HECW1: variants seen among roughly 807,000 people sequenced by gnomAD.
The protein encoded by HECW1 is E3 ubiquitin-protein ligase HECW1.
A neutral mutation model predicts 182.3 loss-of-function variants in HECW1; 61 were observed. The ratio of observed to expected loss-of-function variants is 0.33; its 90% confidence interval spans 0.27 to 0.41. The LOEUF (loss-of-function observed/expected upper bound fraction) is 0.41. Ranked by LOEUF, HECW1 falls within the 10% of genes least tolerant of loss-of-function variation. HECW1 has a pLI of 1.00. For missense variants in HECW1, 1,739 were observed against 2,108.9 expected (o/e 0.82, Z 3.44); for synonymous variants, 859 against 832.6 (o/e 1.03, Z -0.55).
At chr7:43,513,899 T>C (rs1243672459) in intron 24 of HECW1, among the ~76,000 whole-genome samples, 1 of 152,158 alleles carries the variant, frequency 6.6e-6, no homozygotes, top group Non-Finnish European at 1.5e-5. Context: ...CTGGAGCCTA[T>C]AAGGGACCAC....
intron 2 of HECW1, among the ~76,000 whole-genome samples, chr7:43,223,202 CA>C (rs1797134600): frequency 6.6e-6 from 1 of 152,150 alleles, no homozygotes; most frequent in Admixed American, 6.5e-5. Context: ...AATCCAACAA[CA>C]GCTTCTCACC....
At chr7:43,139,862 A>G (rs1037817659) in intron 2 of HECW1, among the ~76,000 whole-genome samples, 8 of 152,130 alleles carry the variant, frequency 5.3e-5, no homozygotes, top group Admixed American at 1.3e-4. Context: ...CTTCCCAACC[A>G]TTACTGTCTG....
At position 43,133,024 on chromosome 7, in the gene HECW1, C is replaced by T. The variant is rs1262975577; in HGVS notation, c.-32+18633C>T. On this transcript the variant is annotated intron_variant, in intron 2 of 29. Coordinates refer to ENST00000395891, the MANE Select transcript of HECW1 (RefSeq NM_015052.5). ...TTTCTAGTTTTGTTGGTGTTTTAAT[C>T]ATGTCTAAACATTGAATTTGGGGGA... 3.3e-5 allele frequency among the ~76,000 whole-genome samples: 5 copies of T among 152,144 alleles called. No homozygotes were observed. The East Asian group carries it at 9.7e-4, about 29-fold the overall frequency.
intron 3 of HECW1, among the ~76,000 whole-genome samples, chr7:43,289,403 C>G (rs1391644608): frequency 6.6e-6 from 1 of 152,240 alleles, no homozygotes; most frequent in Non-Finnish European, 1.5e-5. Flanking sequence ...CCACGCCCAG[C>G]CTCCAGCACT....
intron 3 of HECW1, among the ~76,000 whole-genome samples, chr7:43,265,100 T>C (rs1801630004): frequency 6.6e-6 from 1 of 152,134 alleles, no homozygotes; most frequent in African/African-American, 2.4e-5. Flanking sequence ...CAAACAACCC[T>C]CATATTTTAG....
chr7:43,463,867 C>A, intron 14 of HECW1, 68 bp downstream of exon 14: 1 of 1,552,602 alleles, frequency 6.4e-7, no homozygotes, highest in Non-Finnish European at 8.8e-7. Flanking sequence ...GGCTACAAGC[C>A]TCCCACCCTG....
chr7:43,467,841 G>A (rs1413200904), intron 15 of HECW1, among the ~76,000 whole-genome samples: 2 of 152,174 alleles, frequency 1.3e-5, no homozygotes, highest in African/African-American at 2.4e-5. Flanking sequence ...TAAGCTGGAG[G>A]TGGAGTTTGA....
At chr7:43,134,201 C>T (rs918672010) in intron 2 of HECW1, among the ~76,000 whole-genome samples, 1 of 151,738 alleles carries the variant, frequency 6.6e-6, no homozygotes, top group Non-Finnish European at 1.5e-5. Context: ...CCAGACCAGC[C>T]TGGCCAACAT....
chr7:43,121,471 A>T (rs767851563), intron 2 of HECW1, among the ~76,000 whole-genome samples: 1 of 152,120 alleles, frequency 6.6e-6, no homozygotes, highest in Non-Finnish European at 1.5e-5. Context: ...AGCCAAGCAA[A>T]TCATTTTCCC....
intron 20 of HECW1, 108 bp from the exon 21 acceptor site, chr7:43,501,105 C>G: frequency 1.6e-6 from 1 of 636,906 alleles, no homozygotes; most frequent in Non-Finnish European, 2.7e-6. Context: ...GCTTTTGTTG[C>G]TTTGTGAGAA....
At chr7:43,307,964 GTA>G (rs1453326578) in intron 3 of HECW1, among the ~76,000 whole-genome samples, 30 of 123,876 alleles carry the variant, frequency 2.4e-4, no homozygotes, top group African/African-American at 9.0e-4. Flanking sequence ...TATATATACT[GTA>G]TATCTTATAT....
chr7:43,387,044 A>G (rs1048957927), intron 6 of HECW1, among the ~76,000 whole-genome samples: 6 of 152,164 alleles, frequency 3.9e-5, no homozygotes, highest in African/African-American at 1.2e-4. Flanking sequence ...AACATGATCC[A>G]GCCATTTAGA....
Position 43,301,799 on chromosome 7 carries a change from C to T in HECW1, c.28-9964C>T, listed in dbSNP as rs577292324. Reference sequence around the variant, plus strand: ...CTGAAGCAGGAGAATCTCTTGAACCCGGGAGGCAGAGGTTACAGTGAGCTG... The same window carrying T: ...CTGAAGCAGGAGAATCTCTTGAACCTGGGAGGCAGAGGTTACAGTGAGCTG... On this transcript the variant is annotated intron_variant, in intron 3 of 29. Coordinates refer to ENST00000395891, the MANE Select transcript of HECW1 (RefSeq NM_015052.5). Among the ~76,000 whole-genome samples the T allele has an allele frequency of 7.3e-5, 11 of 151,258 alleles. No homozygotes were observed. In the East Asian group the frequency reaches 1.8e-3, roughly 24 times the overall value.
intron 13 of HECW1, among the ~76,000 whole-genome samples, chr7:43,461,141 G>T (rs970321069): frequency 1.3e-5 from 2 of 152,206 alleles, no homozygotes; most frequent in Non-Finnish European, 2.9e-5. Flanking sequence ...ATTTCTCATG[G>T]TTCTGGTTTG....
chr7:43,332,598 G>T (rs75660937), intron 5 of HECW1, among the ~76,000 whole-genome samples: 4,789 of 152,276 alleles, frequency 0.031, 248 homozygotes, highest in African/African-American at 0.11. Flanking sequence ...GATCACCACG[G>T]TGTCCAATTA....
At chr7:43,190,040 C>G (rs1384389036) in intron 2 of HECW1, among the ~76,000 whole-genome samples, 1 of 152,166 alleles carries the variant, frequency 6.6e-6, no homozygotes, top group Non-Finnish European at 1.5e-5. Context: ...ATGCTCTTTA[C>G]TTCTGACATT....
chr7:43,533,515 C>A (rs1014447529), intron 24 of HECW1, among the ~76,000 whole-genome samples: 1 of 152,134 alleles, frequency 6.6e-6, no homozygotes, highest in African/African-American at 2.4e-5. Context: ...GCAGTTATAG[C>A]AACCCTCTGG....
chr7:43,425,271 A>T (rs1426665699), intron 8 of HECW1, among the ~76,000 whole-genome samples: 4 of 148,614 alleles, frequency 2.7e-5, no homozygotes, highest in South Asian at 2.2e-4. Context: ...GCAGATGTAC[A>T]CATGTGGATA....
At chr7:43,137,047 T>A (rs2152627939) in intron 2 of HECW1, among the ~76,000 whole-genome samples, 1 of 152,312 alleles carries the variant, frequency 6.6e-6, no homozygotes, top group South Asian at 2.1e-4. Context: ...GTCAACCTGT[T>A]AGAGTTAAGC....
Sources: allele counts gnomAD v4.1 joint callset (sites outside exome capture counted in the v4.1 genomes callset), GRCh38; gene constraint gnomAD v4.1.1; transcripts MANE v1.5; gene names NCBI Gene and HGNC (gene_info 2026-07-23, HGNC 2026-07-21).